FBXW11: variants seen among roughly 807,000 people sequenced by gnomAD.
FBXW11 encodes the protein F-box and WD repeat domain containing 11.
A neutral mutation model predicts 77.6 loss-of-function variants in FBXW11; 19 were observed. That is an observed-to-expected ratio of 0.24 (90% CI 0.17 to 0.36). The LOEUF is 0.36. FBXW11 is among the 10% of genes least tolerant of loss of function. The pLI is 1.00. For synonymous variants in FBXW11, 235 were observed against 249.4 expected, an observed-to-expected ratio of 0.94 and a Z score of 0.54; for missense variants, 334 against 704.2, an observed-to-expected ratio of 0.47 and a Z score of 5.95.
At position 171,963,943 on chromosome 5, in the gene FBXW11, A is replaced by G. The variant is rs148268964; in HGVS notation, c.46-6245T>C. Among the ~76,000 whole-genome samples the G allele has an allele frequency of 3.8e-4, 58 of 152,306 alleles. No homozygotes were observed. The East Asian group carries it at 0.011, about 28-fold the overall frequency. On this transcript the variant is annotated intron_variant, in intron 1 of 13. Transcript: ENST00000517395. ...TTTTGTTAAAGACCAGAGTGTTCTG[A>G]ATGTGTTAAATTCCTTTAAGTGAGA...
intron 7 of FBXW11, among the ~76,000 whole-genome samples, chr5:171,881,191 T>A (rs1758481011): frequency 6.6e-6 from 1 of 152,208 alleles, no homozygotes; most frequent in Admixed American, 6.5e-5. Flanking sequence ...TTTTAATTCT[T>A]CCTTCTCAAT....
At chr5:171,875,906 A>T (rs767498808) in intron 9 of FBXW11, among the ~76,000 whole-genome samples, 8 of 152,184 alleles carry the variant, frequency 5.3e-5, no homozygotes, top group Non-Finnish European at 1.0e-4. Context: ...GATCACCAAC[A>T]CAATCCTTTA....
intron 2 of FBXW11, among the ~76,000 whole-genome samples, chr5:171,952,747 G>A (rs1033022491): frequency 6.6e-6 from 1 of 151,844 alleles, no homozygotes; most frequent in East Asian, 2.0e-4. Flanking sequence ...ACCGCGCCCA[G>A]CCTATTTATA....
intron 2 of FBXW11, among the ~76,000 whole-genome samples, chr5:171,943,017 T>G (rs903097978): frequency 2.6e-5 from 4 of 152,172 alleles, no homozygotes; most frequent in Non-Finnish European, 5.9e-5. Context: ...CCCTCAATTT[T>G]TCATTTCTTA....
At chr5:171,963,849 C>T (rs1764041208) in intron 1 of FBXW11, among the ~76,000 whole-genome samples, 1 of 152,078 alleles carries the variant, frequency 6.6e-6, no homozygotes, top group South Asian at 2.1e-4. Context: ...TCAACAGTAA[C>T]CCAATGACAA....
At chr5:171,996,142 G>A (rs1477500160) in intron 1 of FBXW11, among the ~76,000 whole-genome samples, 1 of 152,158 alleles carries the variant, frequency 6.6e-6, no homozygotes, top group East Asian at 1.9e-4. Flanking sequence ...GCTACAGTTA[G>A]TAAACCTCCC....
At position 171,891,497 on chromosome 5, in the gene FBXW11, A is replaced by C; in HGVS notation, c.822T>G (p.Ile274Met). The C allele has an allele frequency of 6.3e-7, 1 of 1,597,068 alleles. No individual in the cohort carries two copies. Among genetic ancestry groups the C allele is most frequent in the African/African-American group, 1.4e-5 (1 of 72,894 alleles). ...TAGAATTATCTCGTAGGCCACTGAT[A>C]ATTTTTTCATCATCGTACTGTAAAC... The part of the protein sequence containing the change: ...VYCLQYDDEK[I>M]ISGLRDNSIK... Residue 274 changes from isoleucine to methionine, a missense_variant, in exon 7 of 14, where the codon ATT (isoleucine) becomes ATG (methionine). This residue lies in a region of FBXW11 where 70 missense variants were observed against 136.6 expected (regional missense o/e 0.51). Coordinates refer to ENST00000517395, the MANE Select transcript of FBXW11 (RefSeq NM_001378974.1).
intron 7 of FBXW11, among the ~76,000 whole-genome samples, chr5:171,886,948 G>T (rs1478821721): frequency 6.6e-6 from 1 of 152,176 alleles, no homozygotes; most frequent in African/African-American, 2.4e-5. Flanking sequence ...GAACCCAGGA[G>T]GTGGAGGTTG....
rs754644040 is a variant in FBXW11 at position 171,996,907 on chromosome 5, C to G, written c.45+9551G>C. On this transcript the variant is annotated intron_variant, in intron 1 of 13. Coordinates refer to ENST00000517395, the MANE Select transcript of FBXW11 (RefSeq NM_001378974.1). ...TTGCTTACCTGGAAAATATTTTGTA[C>G]TTCAGATCCACCAATCCAGAATGAA... 3.1e-6 allele frequency: 4 copies of G among 1,287,878 alleles called. No homozygotes were observed. The South Asian group carries it at 4.9e-5, about 16-fold the overall frequency. 79.8% of individuals were successfully genotyped at this position (1,287,878 alleles called of 1,614,324 possible). A position where few individuals can be genotyped will look rare whatever the true frequency, so the allele number is the denominator to read the frequency against.
intron 1 of FBXW11, among the ~76,000 whole-genome samples, chr5:171,996,603 C>T (rs1055537245): frequency 1.1e-4 from 16 of 152,174 alleles, no homozygotes; most frequent in African/African-American, 3.9e-4. Context: ...GTCAAGGCTG[C>T]AGTAAGCCAT....
chr5:171,960,234 G>C (rs192890509), intron 1 of FBXW11, among the ~76,000 whole-genome samples: 135 of 152,280 alleles, frequency 8.9e-4, no homozygotes, highest in African/African-American at 3.0e-3. Context: ...AAGTAGCCAA[G>C]CATGGTGGTA....
intron 2 of FBXW11, among the ~76,000 whole-genome samples, chr5:171,956,763 T>C (rs1269954372): frequency 6.6e-6 from 1 of 152,214 alleles, no homozygotes; most frequent in Non-Finnish European, 1.5e-5. Context: ...TTTTCAAAGA[T>C]ATATCAAACT....
chr5:171,878,593 A>AGTGTGT (rs1491338650), intron 7 of FBXW11, among the ~76,000 whole-genome samples: 35 of 59,540 alleles, frequency 5.9e-4, no homozygotes, highest in African/African-American at 2.9e-3. Flanking sequence ...TGTGTGTGTA[A>AGTGTGT]GAGAGAGAGA....
intron 11 of FBXW11, 129 bp downstream of exon 11, chr5:171,870,619 T>TA: frequency 1.6e-6 from 1 of 638,700 alleles, no homozygotes; most frequent in Non-Finnish European, 2.7e-6. Context: ...GGTATAATAA[T>TA]ACCTGCCATC....
intron 6 of FBXW11, among the ~76,000 whole-genome samples, chr5:171,895,497 C>T (rs148339860): frequency 1.8e-4 from 27 of 152,296 alleles, no homozygotes; most frequent in African/African-American, 5.3e-4. Flanking sequence ...ATACAACACA[C>T]CATCATCTTC....
At chr5:171,972,413 A>C (rs867758010) in intron 1 of FBXW11, among the ~76,000 whole-genome samples, 7 of 141,636 alleles carry the variant, frequency 4.9e-5, no homozygotes, top group Middle Eastern at 3.6e-3. Context: ...AAGTAGGAGG[A>C]TCGCTTGAGC....
At chr5:171,993,415 C>CTTGACAAG (rs1765858249) in intron 1 of FBXW11, among the ~76,000 whole-genome samples, 1 of 151,922 alleles carries the variant, frequency 6.6e-6, no homozygotes, top group Admixed American at 6.6e-5. Flanking sequence ...AGATCGAGAC[C>CTTGACAAG]ATCCTGGCCA....
At chr5:171,878,590 GTA>G (rs57088208) in intron 7 of FBXW11, among the ~76,000 whole-genome samples, 6,486 of 67,002 alleles carry the variant, frequency 0.097, 205 homozygotes, top group South Asian at 0.18. Flanking sequence ...GTGTGTGTGT[GTA>G]AGAGAGAGAG....
chr5:171,972,900 T>C (rs776793610), intron 1 of FBXW11, among the ~76,000 whole-genome samples: 8 of 152,212 alleles, frequency 5.3e-5, no homozygotes, highest in Non-Finnish European at 8.8e-5. Context: ...ATCATTGACT[T>C]TGGCAAACTA....
Sources: gnomAD v4.1 joint callset for allele counts (sites outside exome capture counted in the v4.1 genomes callset) on GRCh38, gnomAD v4.1.1 for gene constraint, gnomAD v4.1.1 regional missense constraint, MANE v1.5 for transcripts, NCBI Gene and HGNC (gene_info 2026-07-23, HGNC 2026-07-21) for gene names.